Variants in ZNF25 observed in about 807,000 individuals in gnomAD.
The protein encoded by ZNF25 is zinc finger protein 25.
ZNF25 carries 21 observed loss-of-function variants against 30.9 expected under a neutral mutation model. The observed-to-expected ratio is 0.68, with a 90% CI of 0.48 to 0.98. The LOEUF (loss-of-function observed/expected upper bound fraction) is 0.98. Among genes scored for constraint, ZNF25 ranks in the 50% least tolerant of loss-of-function variants. The pLI is 0.00. For synonymous variants in ZNF25, 169 were observed against 181.3 expected, an observed-to-expected ratio of 0.93 and a Z score of 0.55; for missense variants, 501 against 529.9, an observed-to-expected ratio of 0.95 and a Z score of 0.54.
intron 2 of ZNF25, among the ~76,000 whole-genome samples, chr10:37,966,676 T>G (rs1020349216): frequency 6.6e-6 from 1 of 152,086 alleles, no homozygotes; most frequent in African/African-American, 2.4e-5. Flanking sequence ...AAGGGGGAAG[T>G]CTGCCCCCAT....
chr10:37,960,527 G>C (rs1265460119), intron 2 of ZNF25, among the ~76,000 whole-genome samples: 1 of 149,384 alleles, frequency 6.7e-6, no homozygotes, highest in African/African-American at 2.5e-5. Flanking sequence ...GGGAGGCTGA[G>C]GCAGGAGAAT....
In ZNF25 at chr10:37,952,851, T is replaced by G. The variant is rs1158493557; in HGVS notation, c.647A>C (p.His216Pro). ...QCEKSFYQKP[H>P]LTEHQKTHTG... ...GTGTGTTTTCTGATGTTCTGTGAGA[T>G]GTGGTTTCTGGTAGAAGGATTTTTC... Residue 216 changes from histidine to proline, a missense_variant, in exon 6 of 6, where the codon CAT becomes CCT. Coordinates refer to ENST00000302609, the MANE Select transcript of ZNF25 (RefSeq NM_145011.4). 1 of 1,614,002 alleles carries G rather than the reference T, an allele frequency of 6.2e-7. No individual in the cohort carries two copies. The highest frequency in any genetic ancestry group is 2.2e-5 in the East Asian group (1 of 44,874).
intron 1 of ZNF25, among the ~76,000 whole-genome samples, chr10:37,972,607 A>G (rs542269308): frequency 8.7e-4 from 132 of 152,296 alleles, no homozygotes; most frequent in African/African-American, 3.1e-3. Flanking sequence ...ACACAAATCT[A>G]CCTTCTAAAA....
In ZNF25 at chr10:37,952,391, G is replaced by C. The variant is rs765155927; in HGVS notation, c.1107C>G (p.Pro369=). 2.2e-5 allele frequency: 36 copies of C among 1,614,082 alleles called. No homozygotes were observed. The Admixed American group carries it at 5.8e-4, about 26-fold the overall frequency. The change falls in exon 6 of 6, where the codon CCC becomes CCG. Residue 369 remains proline, a synonymous_variant. Coordinates refer to ENST00000302609, the MANE Select transcript of ZNF25 (RefSeq NM_145011.4). ...ATTTGCCACATTCTGTGCATTCATA[G>C]GGCTTCTCCCCTGTGTGTTTTCTCT... ...KHQRKHTGEK[P]YECTECGKSF...
chr10:37,964,016 C>G (rs2063041608), intron 2 of ZNF25, among the ~76,000 whole-genome samples: 3 of 151,896 alleles, frequency 2.0e-5, no homozygotes, highest in Admixed American at 1.3e-4. Flanking sequence ...TAGGACCTAC[C>G]CCTTATCTCT....
At chr10:37,973,076 G>A (rs947079519) in intron 1 of ZNF25, among the ~76,000 whole-genome samples, 1 of 151,912 alleles carries the variant, frequency 6.6e-6, no homozygotes, top group Non-Finnish European at 1.5e-5. Context: ...GCTGAGGCAG[G>A]AGAATTGCTT....
chr10:37,970,911 C>G (rs1395592112), intron 2 of ZNF25, among the ~76,000 whole-genome samples: 1 of 152,192 alleles, frequency 6.6e-6, no homozygotes, highest in East Asian at 1.9e-4. Context: ...TAACTCATTC[C>G]TCACTTCTCT....
intron 2 of ZNF25, among the ~76,000 whole-genome samples, chr10:37,964,470 T>A (rs1232218709): frequency 6.6e-6 from 1 of 151,916 alleles, no homozygotes; most frequent in East Asian, 1.9e-4. Context: ...CAGAAGAAAA[T>A]GAGGAATGTA....
chr10:37,958,986 T>C (rs2062698291), intron 2 of ZNF25, among the ~76,000 whole-genome samples: 1 of 152,164 alleles, frequency 6.6e-6, no homozygotes, highest in Non-Finnish European at 1.5e-5. Context: ...GAGGCAGAGG[T>C]TGCAGTAAGC....
chr10:37,966,879 C>T (rs545078049), intron 2 of ZNF25, among the ~76,000 whole-genome samples: 4 of 152,020 alleles, frequency 2.6e-5, no homozygotes, highest in Non-Finnish European at 4.4e-5. Flanking sequence ...ATTAGACTCA[C>T]GAGTTAAAGG....
intron 2 of ZNF25, among the ~76,000 whole-genome samples, chr10:37,971,500 C>G (rs1326116589): frequency 6.6e-6 from 1 of 152,086 alleles, no homozygotes; most frequent in Non-Finnish European, 1.5e-5. Flanking sequence ...GGTCTTGGAG[C>G]TCCCAGGGAT....
chr10:37,961,495 G>A (rs757297659), intron 2 of ZNF25, among the ~76,000 whole-genome samples: 1 of 151,998 alleles, frequency 6.6e-6, no homozygotes, highest in African/African-American at 2.4e-5. Context: ...TTTCATTCAA[G>A]GATGATAAAA....
At chr10:37,958,426 C>T (rs1170268433) in intron 2 of ZNF25, among the ~76,000 whole-genome samples, 1 of 151,872 alleles carries the variant, frequency 6.6e-6, no homozygotes, top group African/African-American at 2.4e-5. Flanking sequence ...AGGTATATAC[C>T]ATAGGTTGGT....
chr10:37,974,373 C>T (rs545170091), intron 1 of ZNF25, among the ~76,000 whole-genome samples: 6 of 152,140 alleles, frequency 3.9e-5, no homozygotes, highest in African/African-American at 1.4e-4. Context: ...AACTACCCAT[C>T]TGACAAGGAA....
chr10:37,966,489 C>T (rs2135408341), intron 2 of ZNF25, among the ~76,000 whole-genome samples: 1 of 151,958 alleles, frequency 6.6e-6, no homozygotes, highest in African/African-American at 2.4e-5. Flanking sequence ...CATGGTTCCA[C>T]AGGCTGCGCA....
intron 4 of ZNF25, among the ~76,000 whole-genome samples, chr10:37,953,969 C>T (rs774869079): frequency 5.3e-5 from 8 of 152,112 alleles, no homozygotes; most frequent in Non-Finnish European, 7.4e-5. Flanking sequence ...GACCCATGTA[C>T]TCTGACATTT....
In ZNF25 at chr10:37,952,991, C is replaced by T. The variant is rs560693540; in HGVS notation, c.507G>A (p.Thr169=). Reference sequence around the variant, plus strand: ...CTTTACACTCATAGGTTTTATCTCTCGTGTGAATTTTCTGATGTCTTATGA... The same window carrying T: ...CTTTACACTCATAGGTTTTATCTCTTGTGTGAATTTTCTGATGTCTTATGA... ...EDLIRHQKIH[T]RDKTYECKEC... is the part of the protein sequence containing the mutation. The change falls in exon 6 of 6, where the codon ACG becomes ACA. Residue 169 remains threonine (T), a synonymous_variant. Coordinates refer to ENST00000302609, the MANE Select transcript of ZNF25 (RefSeq NM_145011.4). 8 of 1,613,960 alleles carry T rather than the reference C, an allele frequency of 5.0e-6. No individual in the cohort carries two copies. Among genetic ancestry groups the T allele is most frequent in the African/African-American group, 2.7e-5 (2 of 75,032 alleles).
At chr10:37,965,973 GA>G (rs1965545219) in intron 2 of ZNF25, among the ~76,000 whole-genome samples, 1 of 151,940 alleles carries the variant, frequency 6.6e-6, no homozygotes, top group African/African-American at 2.4e-5. Context: ...TTAAAAATTA[GA>G]AAAGTTAATT....
At chr10:37,963,267 T>C (rs112277941) in intron 2 of ZNF25, among the ~76,000 whole-genome samples, 7 of 152,094 alleles carry the variant, frequency 4.6e-5, no homozygotes, top group African/African-American at 1.4e-4. Context: ...GGATTACAGG[T>C]GCCCACCACC....
Sources: gnomAD v4.1 joint callset for allele counts (sites outside exome capture counted in the v4.1 genomes callset) on GRCh38, gnomAD v4.1.1 for gene constraint, MANE v1.5 for transcripts, NCBI Gene and HGNC (gene_info 2026-07-23, HGNC 2026-07-21) for gene names.